RNF150: variants seen among roughly 807,000 people sequenced by gnomAD.
RNF150 encodes ring finger protein 150.
RNF150 carries 24 observed loss-of-function variants against 39.3 expected under a neutral mutation model. That is an observed-to-expected ratio of 0.61 (90% confidence interval 0.44 to 0.86). RNF150 has a LOEUF of 0.86. Among genes scored for constraint, RNF150 ranks in the 40% least tolerant of loss-of-function variants. RNF150 has a pLI of 0.00. For missense variants in RNF150, 502 were observed against 587.8 expected (o/e 0.85, Z 1.51); for synonymous variants, 255 against 227.3 (o/e 1.12, Z -1.10).
chr4:140,943,712 A>G (rs1415773597), intron 4 of RNF150, among the ~76,000 whole-genome samples: 2 of 152,270 alleles, frequency 1.3e-5, no homozygotes, highest in South Asian at 4.1e-4. Flanking sequence ...ACTTTCCACT[A>G]TTCCTGGCAC....
At chr4:141,039,150 G>A (rs1358191527) in intron 1 of RNF150, among the ~76,000 whole-genome samples, 1 of 152,164 alleles carries the variant, frequency 6.6e-6, no homozygotes, top group African/African-American at 2.4e-5. Flanking sequence ...ACCTGTGTTT[G>A]GGCTGAGAAT....
At chr4:141,032,215 T>C (rs953558030) in intron 1 of RNF150, among the ~76,000 whole-genome samples, 1 of 152,038 alleles carries the variant, frequency 6.6e-6, no homozygotes, top group Non-Finnish European at 1.5e-5. Flanking sequence ...TTCATTTATA[T>C]GTAGAATCTA....
intron 6 of RNF150, among the ~76,000 whole-genome samples, chr4:140,890,380 C>T (rs1020306748): frequency 6.6e-6 from 1 of 152,104 alleles, no homozygotes; most frequent in African/African-American, 2.4e-5. Flanking sequence ...AGGTTATTTA[C>T]AATATTTTTC....
intron 1 of RNF150, among the ~76,000 whole-genome samples, chr4:141,046,291 A>G (rs190765959): frequency 5.2e-4 from 79 of 152,334 alleles, no homozygotes; most frequent in African/African-American, 1.6e-3. Context: ...TCTTCTACCT[A>G]CATAGATACT....
At chr4:140,895,872 C>CACTTCCTTTTTCTAGTA (rs1729923648) in intron 6 of RNF150, among the ~76,000 whole-genome samples, 64 of 150,734 alleles carry the variant, frequency 4.2e-4, no homozygotes, top group African/African-American at 1.6e-3. Context: ...TTTTTTTCTG[C>CACTTCCTTTTTCTAGTA]GAAGGACATG....
At chr4:140,908,763 C>T (rs764386775) in intron 6 of RNF150, among the ~76,000 whole-genome samples, 62 of 152,026 alleles carry the variant, frequency 4.1e-4, no homozygotes, top group Non-Finnish European at 7.1e-4. Context: ...AATATATTTA[C>T]ATATATTTTA....
intron 1 of RNF150, among the ~76,000 whole-genome samples, chr4:141,154,187 T>C (rs1727345838): frequency 6.6e-6 from 1 of 152,230 alleles, no homozygotes; most frequent in Non-Finnish European, 1.5e-5. Flanking sequence ...GGAGGAGCTC[T>C]GCTGTAATAG....
rs1560696593 is a variant in RNF150 at position 141,027,912 on chromosome 4, G to GTTTTTTGTTTTTTTTTTTTTTTTTTT, written c.485-60040_485-60039insAAAAAAAAAAAAAAAAAAACAAAAAA. Among the ~76,000 whole-genome samples the GTTTTTTGTTTTTTTTTTTTTTTTTTT allele has an allele frequency of 1.5e-4, 4 of 27,102 alleles. 2 individuals carry two copies. Among genetic ancestry groups the GTTTTTTGTTTTTTTTTTTTTTTTTTT allele is most frequent in the Non-Finnish European group, 1.7e-4 (2 of 11,596 alleles). The allele number at this position is 27,102 out of a possible 152,430, so 17.8% of individuals were successfully genotyped here. On this transcript the variant is annotated intron_variant, in intron 1 of 6. Coordinates refer to ENST00000515673, the MANE Select transcript of RNF150 (RefSeq NM_020724.2). ...TAGATAGTTAATGAGCTTGGAATTT[G>GTTTTTTGTTTTTTTTTTTTTTTTTTT]TTTTTTTTTTTTTGTTTTTTTTTTT...
chr4:141,001,884 T>C (rs1406958043), intron 1 of RNF150, among the ~76,000 whole-genome samples: 3 of 152,196 alleles, frequency 2.0e-5, no homozygotes, highest in Admixed American at 1.3e-4. Context: ...ATAACTTGTA[T>C]ACGCTTATTA....
At chr4:141,208,290 C>G (rs1728408158) in intron 1 of RNF150, among the ~76,000 whole-genome samples, 3 of 152,186 alleles carry the variant, frequency 2.0e-5, no homozygotes, top group Non-Finnish European at 4.4e-5. Flanking sequence ...GAAATATGGC[C>G]CCGAGGGGCT....
chr4:140,947,864 T>A lies in RNF150; in HGVS notation c.808-128A>T, dbSNP rs1024201099. The stretch of plus-strand genomic sequence containing the variant: ...CGCTGTGCTGGTGCCAGTTTTTAAA[T>A]CAAATGTACCATCAATTGGACTAGT... On this transcript the variant is annotated intron_variant, in intron 3 of 6. Transcript: ENST00000515673. The A allele has an allele frequency of 5.5e-5, 32 of 576,582 alleles. No homozygotes were observed. The Middle Eastern group carries it at 1.8e-3, about 32-fold the overall frequency. The allele number at this position is 576,582 out of a possible 1,614,324, so 35.7% of individuals were successfully genotyped here. A position where few individuals can be genotyped will look rare whatever the true frequency, so the allele number is the denominator to read the frequency against.
At chr4:141,108,233 A>G (rs1211887614) in intron 1 of RNF150, among the ~76,000 whole-genome samples, 1 of 152,194 alleles carries the variant, frequency 6.6e-6, no homozygotes, top group East Asian at 1.9e-4. Flanking sequence ...CCTAGTTCTC[A>G]TAACTGGGTT....
At chr4:141,212,026 T>G (rs1403991958) in intron 1 of RNF150, among the ~76,000 whole-genome samples, 1 of 152,226 alleles carries the variant, frequency 6.6e-6, no homozygotes, top group Non-Finnish European at 1.5e-5. Flanking sequence ...AACCTTGAAC[T>G]ACTCAATCTG....
At chr4:141,142,379 C>T (rs1727131405) in intron 1 of RNF150, among the ~76,000 whole-genome samples, 1 of 152,194 alleles carries the variant, frequency 6.6e-6, no homozygotes, top group Non-Finnish European at 1.5e-5. Flanking sequence ...GATCTCCTCC[C>T]TCTTCCACAT....
chr4:141,210,032 A>T (rs1728437306), intron 1 of RNF150, among the ~76,000 whole-genome samples: 1 of 139,836 alleles, frequency 7.2e-6, no homozygotes, highest in East Asian at 2.4e-4. Flanking sequence ...GTAGAACGAA[A>T]ATGGTCATTA....
intron 1 of RNF150, among the ~76,000 whole-genome samples, chr4:141,066,970 C>G (rs992189940): frequency 2.0e-5 from 3 of 152,140 alleles, no homozygotes; most frequent in Non-Finnish European, 4.4e-5. Flanking sequence ...GACTACCAAC[C>G]TGTATAACAT....
intron 1 of RNF150, among the ~76,000 whole-genome samples, chr4:141,111,345 AG>A (rs1285948506): frequency 1.3e-5 from 2 of 152,214 alleles, no homozygotes; most frequent in Non-Finnish European, 2.9e-5. Context: ...AAACTTGGTT[AG>A]CTCTAAAATC....
intron 6 of RNF150, among the ~76,000 whole-genome samples, chr4:140,881,092 G>C (rs1729355790): frequency 6.6e-6 from 1 of 150,682 alleles, no homozygotes; most frequent in South Asian, 2.1e-4. Context: ...CTAGTTCCTT[G>C]AGGTATAAAG....
At chr4:140,919,755 C>G (rs1731023772) in intron 5 of RNF150, among the ~76,000 whole-genome samples, 2 of 152,174 alleles carry the variant, frequency 1.3e-5, no homozygotes, top group Non-Finnish European at 1.5e-5. Context: ...AAGAACAAAG[C>G]TGGAGACATC....
Sources: gnomAD v4.1 joint callset for allele counts (sites outside exome capture counted in the v4.1 genomes callset) on GRCh38, gnomAD v4.1.1 for gene constraint, MANE v1.5 for transcripts, NCBI Gene and HGNC (gene_info 2026-07-23, HGNC 2026-07-21) for gene names.